Variants in KALRN observed in about 807,000 individuals in gnomAD.
KALRN encodes the protein kalirin RhoGEF kinase.
In KALRN, 70 loss-of-function variants were observed where a neutral mutation model predicts 353.7. The observed-to-expected ratio is 0.20, with a 90% CI of 0.16 to 0.24. The LOEUF (loss-of-function observed/expected upper bound fraction) is 0.24. Among genes scored for constraint, KALRN ranks in the 10% least tolerant of loss-of-function variants. KALRN has a pLI of 1.00. For missense variants in KALRN, 2,791 were observed against 3,756.7 expected (o/e 0.74, Z 6.72); for synonymous variants, 1,391 against 1,434.8 (o/e 0.97, Z 0.69).
chr3:124,175,987 T>C (rs2072680401), intron 1 of KALRN, among the ~76,000 whole-genome samples: 1 of 152,212 alleles, frequency 6.6e-6, no homozygotes, highest in South Asian at 2.1e-4. Flanking sequence ...ATTTTCTCTC[T>C]TCTGGGGCTC....
chr3:124,659,482 G>C, intron 43 of KALRN, 25 bp downstream of exon 43: 2 of 1,508,522 alleles, frequency 1.3e-6, no homozygotes, highest in Non-Finnish European at 1.8e-6. Context: ...GCCTGGGTGA[G>C]GGCTGGAGAA....
At chr3:124,348,260 C>G (rs764552081) in intron 10 of KALRN, among the ~76,000 whole-genome samples, 2 of 152,182 alleles carry the variant, frequency 1.3e-5, no homozygotes, top group African/African-American at 2.4e-5. Flanking sequence ...GAGCTGACTT[C>G]GATCCCACCA....
intron 15 of KALRN, among the ~76,000 whole-genome samples, chr3:124,424,889 C>T (rs1185162549): frequency 2.6e-5 from 4 of 152,094 alleles, no homozygotes; most frequent in African/African-American, 9.7e-5. Context: ...TTAGTGCTCC[C>T]CAAGGCCTCT....
At chr3:124,423,427 T>C (rs1225078324) in intron 15 of KALRN, among the ~76,000 whole-genome samples, 2 of 152,246 alleles carry the variant, frequency 1.3e-5, no homozygotes, top group Non-Finnish European at 2.9e-5. Flanking sequence ...ATTTCCAAAG[T>C]GTGTATGATT....
At chr3:124,656,614 A>T (rs917114308) in intron 39 of KALRN, among the ~76,000 whole-genome samples, 1 of 148,490 alleles carries the variant, frequency 6.7e-6, no homozygotes, top group African/African-American at 2.5e-5. Context: ...CCATCTCAAA[A>T]AATAAAAATA....
intron 1 of KALRN, chr3:124,082,355 A>G (rs1441858893): frequency 4.3e-6 from 2 of 469,568 alleles, no homozygotes; most frequent in Non-Finnish European, 4.4e-6. Context: ...TCTGTTTCCT[A>G]TTTTTTCCTT....
intron 1 of KALRN, among the ~76,000 whole-genome samples, chr3:124,133,602 T>G (rs1168348823): frequency 6.6e-6 from 1 of 152,156 alleles, no homozygotes; most frequent in African/African-American, 2.4e-5. Context: ...TCCTGTGCCT[T>G]ATGGGGAGGG....
At chr3:124,609,928 A>G (rs1020095481) in intron 34 of KALRN, among the ~76,000 whole-genome samples, 1 of 152,222 alleles carries the variant, frequency 6.6e-6, no homozygotes, top group Non-Finnish European at 1.5e-5. Flanking sequence ...CTCACTCTAC[A>G]CTTGGCTTCT....
intron 17 of KALRN, among the ~76,000 whole-genome samples, chr3:124,437,014 G>C (rs1346623313): frequency 6.7e-6 from 1 of 149,982 alleles, no homozygotes; most frequent in African/African-American, 2.5e-5. Flanking sequence ...TGTGATGCTA[G>C]AGATGGGACT....
chr3:124,518,345 G>A (rs2066857758), intron 33 of KALRN: 1 of 1,450,676 alleles, frequency 6.9e-7, no homozygotes, highest in African/African-American at 1.4e-5. Flanking sequence ...GGGATCTCAT[G>A]CAGATTTTTG....
intron 36 of KALRN, among the ~76,000 whole-genome samples, chr3:124,635,946 T>G (rs996250973): frequency 6.6e-6 from 1 of 152,204 alleles, no homozygotes; most frequent in African/African-American, 2.4e-5. Context: ...TACAGATCAC[T>G]GTGTATATAC....
intron 34 of KALRN, among the ~76,000 whole-genome samples, chr3:124,602,025 CAAAAAAAA>C (rs3058058): frequency 2.3e-5 from 3 of 133,196 alleles, no homozygotes; most frequent in African/African-American, 8.1e-5. Context: ...GACTCTGTCT[CAAAAAAAA>C]AAAAAAAAAG....
At chr3:124,581,913 T>C (rs1291899215) in intron 34 of KALRN, among the ~76,000 whole-genome samples, 1 of 152,140 alleles carries the variant, frequency 6.6e-6, no homozygotes, top group Non-Finnish European at 1.5e-5. Context: ...AGGATAACTA[T>C]GTGAGGATTA....
chr3:124,296,251 A>G (rs537855172), intron 5 of KALRN, among the ~76,000 whole-genome samples: 1 of 152,282 alleles, frequency 6.6e-6, no homozygotes, highest in South Asian at 2.1e-4. Context: ...AACTCAGCAC[A>G]TCTAAAACGG....
At chr3:124,276,233 T>C (rs1287018009) in intron 5 of KALRN, among the ~76,000 whole-genome samples, 1 of 152,226 alleles carries the variant, frequency 6.6e-6, no homozygotes, top group African/African-American at 2.4e-5. Flanking sequence ...TGGGCACCAC[T>C]GGGCATCGTG....
intron 34 of KALRN, among the ~76,000 whole-genome samples, chr3:124,592,580 T>C (rs2075906411): frequency 6.8e-6 from 1 of 147,828 alleles, no homozygotes; most frequent in Non-Finnish European, 1.5e-5. Flanking sequence ...TTTGAGGCTT[T>C]GTTGGTTCTT....
chr3:124,455,730 G>C (rs1054353198), intron 22 of KALRN, among the ~76,000 whole-genome samples: 2 of 152,122 alleles, frequency 1.3e-5, no homozygotes, highest in African/African-American at 4.8e-5. Flanking sequence ...AATGATTAGA[G>C]TCCCCAGTAT....
At chr3:124,609,481 A>AT (rs2149533691) in intron 34 of KALRN, among the ~76,000 whole-genome samples, 1 of 152,310 alleles carries the variant, frequency 6.6e-6, no homozygotes, top group South Asian at 2.1e-4. Context: ...GTATACATGT[A>AT]TTTGCACTAG....
intron 1 of KALRN, among the ~76,000 whole-genome samples, chr3:124,188,703 GA>G (rs1403120727): frequency 6.6e-6 from 1 of 152,178 alleles, no homozygotes; most frequent in Non-Finnish European, 1.5e-5. Context: ...CAAGGTCTGA[GA>G]TTTACCCTAC....
Sources: allele counts gnomAD v4.1 joint callset (sites outside exome capture counted in the v4.1 genomes callset), GRCh38; gene constraint gnomAD v4.1.1; transcripts MANE v1.5; gene names NCBI Gene and HGNC (gene_info 2026-07-23, HGNC 2026-07-21).